Variants in ZNF577 observed in about 807,000 individuals in gnomAD.
The protein encoded by ZNF577 is zinc finger protein 577.
Under a neutral mutation model 13.9 loss-of-function variants are expected in ZNF577, and 14 were observed. The ratio of observed to expected loss-of-function variants is 1.00; its 90% CI spans 0.66 to 1.57. The LOEUF is 1.57. Ranked by LOEUF, ZNF577 falls within the 40% of genes most tolerant of loss-of-function variation. The pLI is 0.00. For synonymous variants in ZNF577, 203 were observed against 202.9 expected (o/e 1.00, Z 0.00); for missense variants, 555 against 579.2 (o/e 0.96, Z 0.43).
intron 5 of ZNF577, chr19:51,861,274 C>T: frequency 5.9e-6 from 1 of 169,986 alleles, no homozygotes; most frequent in South Asian, 1.2e-4. Context: ...GTGCACACCA[C>T]ACCTGGCTAT....
At chr19:51,827,300 A>G (rs1277545820) in intron 9 of ZNF577, among the ~76,000 whole-genome samples, 1 of 152,204 alleles carries the variant, frequency 6.6e-6, no homozygotes, top group Non-Finnish European at 1.5e-5. Context: ...GGCAGGAAGG[A>G]GTCAGCCACG....
At chr19:51,839,961 C>T (rs1230067191) in exon 9 of ZNF577, 1 of 152,218 alleles carries the variant, frequency 6.6e-6, no homozygotes, top group Non-Finnish European at 1.5e-5. Context: ...TCACTCACTG[C>T]CGTAGTCACG....
intron 9 of ZNF577, among the ~76,000 whole-genome samples, chr19:51,816,862 G>A (rs10422101): frequency 1.3e-5 from 2 of 152,056 alleles, no homozygotes; most frequent in Non-Finnish European, 2.9e-5. Context: ...TTGGAAAAAA[G>A]CCCACACATA....
chr19:51,811,666 C>G (rs1184034654), exon 10 of ZNF577: 5 of 152,130 alleles, frequency 3.3e-5, no homozygotes, highest in African/African-American at 7.2e-5. Flanking sequence ...TGCCATGATC[C>G]CTGGTGGACT....
At chr19:51,850,082 G>A (rs1368475363) in intron 5 of ZNF577, among the ~76,000 whole-genome samples, 1 of 152,220 alleles carries the variant, frequency 6.6e-6, no homozygotes, top group Non-Finnish European at 1.5e-5. Context: ...ATGGACAGAA[G>A]GAGGGATTTT....
chr19:51,823,302 G>A (rs1311030447), intron 9 of ZNF577, among the ~76,000 whole-genome samples: 2 of 152,212 alleles, frequency 1.3e-5, no homozygotes, highest in Non-Finnish European at 2.9e-5. Flanking sequence ...AGGGACAGGA[G>A]CTGGGAGACT....
At chr19:51,805,569 C>T (rs764114960) in intron 10 of ZNF577, among the ~76,000 whole-genome samples, 2 of 152,182 alleles carry the variant, frequency 1.3e-5, no homozygotes, top group African/African-American at 2.4e-5. Context: ...AAAATGACAG[C>T]GCAATTGCCG....
intron 3 of ZNF577, chr19:51,878,945 T>G (rs2084813229): frequency 6.4e-6 from 1 of 156,988 alleles, no homozygotes. Context: ...TAATATATGA[T>G]CTAAGACATA....
At chr19:51,806,534 C>T (rs554603198) in intron 10 of ZNF577, among the ~76,000 whole-genome samples, 5 of 152,292 alleles carry the variant, frequency 3.3e-5, no homozygotes, top group South Asian at 2.1e-4. Flanking sequence ...TCCTATACCC[C>T]CTTTTTGTCT....
At chr19:51,861,827 C>T (rs1348905017) in intron 5 of ZNF577, 1 of 152,552 alleles carries the variant, frequency 6.6e-6, no homozygotes, top group South Asian at 2.1e-4. Flanking sequence ...TGTATGAATT[C>T]TCTAATGTAC....
chr19:51,844,249 T>G (rs2084337897), intron 6 of ZNF577, among the ~76,000 whole-genome samples: 1 of 152,138 alleles, frequency 6.6e-6, no homozygotes. Context: ...TATGTTCTTT[T>G]TATAAAGAAG....
In ZNF577 at chr19:51,870,981, T is replaced by C. The variant is rs1348678098; in HGVS notation, c.*1551A>G. Among the ~76,000 whole-genome samples the C allele has an allele frequency of 2.0e-5, 3 of 152,224 alleles. No homozygotes were observed. The highest frequency in any genetic ancestry group is 2.9e-5 in the Non-Finnish European group (2 of 68,044). Reference sequence around the variant, plus strand: ...TTTAGATATTTAAGGCAGGAGATTATATACATTAGACATTTACTGTAAAAG... The same window carrying C: ...TTTAGATATTTAAGGCAGGAGATTACATACATTAGACATTTACTGTAAAAG... On this transcript the variant is annotated 3_prime_UTR_variant, in exon 6 of 6. Coordinates refer to ENST00000638348, the MANE Select transcript of ZNF577 (RefSeq NM_001370449.1).
rs1242178819 is a variant in ZNF577, at chr19:51,812,832, A to T, written c.*600-1158T>A. 2.6e-5 allele frequency among the ~76,000 whole-genome samples: 4 copies of T among 152,318 alleles called. No individual in the cohort carries two copies. In the East Asian group the frequency reaches 7.7e-4, roughly 29 times the overall value. ...ATGCTGGATAATTTGTAAACAACAT[A>T]AATTTAGGCCAGACGTGGGGGCTCA... On this transcript the variant is annotated intron_variant and NMD_transcript_variant, in intron 9 of 10. Transcript: ENST00000638827.
rs966846410 is a variant in ZNF577, at chr19:51,871,535, G to A, written c.*997C>T. 1 of 152,120 alleles carries A rather than the reference G, an allele frequency of 6.6e-6. No homozygotes were observed. The highest frequency in any genetic ancestry group is 1.5e-5 in the Non-Finnish European group (1 of 68,024). 9.4% of individuals were successfully genotyped at this position (152,120 alleles called of 1,614,324 possible). A position where few individuals can be genotyped will look rare whatever the true frequency, so the allele number is the denominator to read the frequency against. On this transcript the variant is annotated 3_prime_UTR_variant, in exon 6 of 6. Coordinates refer to ENST00000638348, the MANE Select transcript of ZNF577 (RefSeq NM_001370449.1). ...AGGAGTTATTTTCCAGTGCTGATGT[G>A]ATTTTAACATTTCAAGAGCATCTAT... is the stretch of plus-strand genomic sequence containing the variant.
At chr19:51,862,617 A>G (rs1190875038), downstream of ZNF577, 1 of 152,416 alleles carries the variant, frequency 6.6e-6, no homozygotes, top group Non-Finnish European at 1.5e-5. Flanking sequence ...TCGACTTCCA[A>G]GGAAAAGCTT....
chr19:51,873,878 C>A (rs1278556254), intron 5 of ZNF577, among the ~76,000 whole-genome samples, 172 bp from the exon 6 acceptor site: 2 of 152,086 alleles, frequency 1.3e-5, no homozygotes, highest in East Asian at 1.9e-4. Flanking sequence ...ATATGGTAAA[C>A]CCCCCAAATT....
intron 10 of ZNF577, among the ~76,000 whole-genome samples, chr19:51,810,226 T>C (rs1324134213): frequency 6.6e-6 from 1 of 152,246 alleles, no homozygotes. Context: ...GCTCAGTTCC[T>C]ACATCTTGAC....
chr19:51,885,360 G>C (rs1482220443), intron 1 of ZNF577, among the ~76,000 whole-genome samples: 1 of 152,148 alleles, frequency 6.6e-6, no homozygotes, highest in Non-Finnish European at 1.5e-5. Context: ...GCCAGCAATG[G>C]TTAATCTATA....
At chr19:51,857,429 A>AG (rs61663283) in intron 5 of ZNF577, among the ~76,000 whole-genome samples, 23 of 150,862 alleles carry the variant, frequency 1.5e-4, no homozygotes, top group African/African-American at 5.4e-4. Context: ...AAAGAAAGAA[A>AG]AGAAAAAACA....
Sources: allele counts gnomAD v4.1 joint callset (sites outside exome capture counted in the v4.1 genomes callset), GRCh38; gene constraint gnomAD v4.1.1; transcripts MANE v1.5; gene names NCBI Gene and HGNC (gene_info 2026-07-23, HGNC 2026-07-21).